Variants in DOK7 observed in about 807,000 individuals in gnomAD.
DOK7 encodes the protein docking protein 7.
In DOK7, 32 loss-of-function variants were observed where a neutral mutation model predicts 30.7. That is an observed-to-expected ratio of 1.04 (90% confidence interval 0.79 to 1.40). The LOEUF (loss-of-function observed/expected upper bound fraction) is 1.40, where lower values mean the gene tolerates loss of function less well. DOK7 is among the 40% of genes most tolerant of loss of function. The probability of loss-of-function intolerance (pLI) is 0.00; values close to 1 mark genes in which losing one functional copy is unlikely to be tolerated. For synonymous variants in DOK7, 447 were observed against 324.1 expected (o/e 1.38, Z -4.07); for missense variants, 1,007 against 699.2 (o/e 1.44, Z -4.97).
chr4:3,493,386 C>T lies in DOK7; in HGVS notation c.1400C>T (p.Pro467Leu), dbSNP rs1170228888. 1.9e-6 allele frequency: 3 copies of T among 1,594,652 alleles called. No homozygotes were observed. Among genetic ancestry groups the T allele is most frequent in the Non-Finnish European group, 2.6e-6 (3 of 1,171,206 alleles). Residue 467 changes from proline (P) to leucine (L), a missense_variant, in exon 7 of 7, where the codon CCT becomes CTT. Pro to Leu is a moderately conservative substitution (Grantham distance 98). Coordinates refer to ENST00000340083, the MANE Select transcript of DOK7 (RefSeq NM_173660.5). ...EAPQGSEATL[P>L]GPAPGEPWEA... ...CCCCAGGGCAGCGAGGCCACACTGC[C>T]TGGCCCTGCCCCTGGCGAGCCCTGG...
chr4:3,477,453 G>A (rs967229988), intron 4 of DOK7, among the ~76,000 whole-genome samples: 9 of 152,274 alleles, frequency 5.9e-5, no homozygotes, highest in Admixed American at 6.5e-5. Flanking sequence ...CACACTGGCC[G>A]CCTGGGACCT....
chr4:3,463,456 G>GC lies in DOK7; in HGVS notation c.54+27_54+28insC, dbSNP rs1282356351. On this transcript the variant is annotated intron_variant, in intron 1 of 6. Coordinates refer to ENST00000340083, the MANE Select transcript of DOK7 (RefSeq NM_173660.5). Reference sequence around the variant, plus strand: ...TCGGGGCGCGTCGGGGGCGCGGGGGGGGGGGGCGCGGGCGCGGGCGGCGGC... The same window carrying GC: ...TCGGGGCGCGTCGGGGGCGCGGGGGGCGGGGGGCGCGGGCGCGGGCGGCGGC... 3.5e-6 allele frequency: 5 copies of GC among 1,421,666 alleles called. No individual in the cohort carries two copies. The highest frequency in any genetic ancestry group is 2.9e-5 in the South Asian group (2 of 68,580). 88.1% of individuals were successfully genotyped at this position (1,421,666 alleles called of 1,614,324 possible). A position where few individuals can be genotyped will look rare whatever the true frequency, so the allele number is the denominator to read the frequency against.
At chr4:3,500,923 A>G in exon 8 of DOK7, 1 of 1,433,344 alleles carries the variant, frequency 7.0e-7, no homozygotes, top group Non-Finnish European at 9.1e-7. Flanking sequence ...TCTGGTCCCC[A>G]GGGAGCTCCC....
chr4:3,492,641 T>TG, intron 6 of DOK7, 118 bp from the exon 7 acceptor site: 1 of 1,430,838 alleles, frequency 7.0e-7, no homozygotes, highest in Non-Finnish European at 9.5e-7. Context: ...GCTTGGGGGC[T>TG]GGAAGGGGTG....
At chr4:3,487,383 A>T (rs1373126683) in intron 5 of DOK7, among the ~76,000 whole-genome samples, 1 of 152,166 alleles carries the variant, frequency 6.6e-6, no homozygotes, top group East Asian at 1.9e-4. Flanking sequence ...GACTCCCACA[A>T]TAGAGCCCTG....
chr4:3,490,298 C>T (rs1728187987), intron 6 of DOK7, among the ~76,000 whole-genome samples: 1 of 90,456 alleles, frequency 1.1e-5, no homozygotes, highest in Non-Finnish European at 2.4e-5. Flanking sequence ...TCATTTCTTC[C>T]TCCGCCCCCC....
downstream of DOK7, chr4:3,496,692 T>C (rs1342446776): frequency 2.0e-6 from 2 of 1,012,132 alleles, no homozygotes; most frequent in Non-Finnish European, 2.8e-6. Context: ...CTGGACTCCC[T>C]GCAGGTGACC....
Position 3,476,454 on chromosome 4 carries a change from C to A in DOK7, c.444C>A (p.Val148=). The part of the protein sequence containing the change: ...LVLARDIPPA[V]TGQWKLSDLR... ...TGGCCAGGGACATCCCCCCGGCTGT[C>A]ACGGGGCAGTGGAAGCTGTCTGACC... The change falls in exon 4 of 7, where the codon GTC becomes GTA. Residue 148 remains valine (V), a synonymous_variant. Transcript: ENST00000340083. The A allele has an allele frequency of 1.2e-6, 2 of 1,613,824 alleles. No homozygotes were observed. The highest frequency in any genetic ancestry group is 1.7e-6 in the Non-Finnish European group (2 of 1,180,020).
At chr4:3,500,806 G>A (rs1422693590) in exon 8 of DOK7, 1 of 1,533,218 alleles carries the variant, frequency 6.5e-7, no homozygotes, top group African/African-American at 1.4e-5. Context: ...CTGGAGCAGA[G>A]GAAGGCAGCC....
intron 3 of DOK7, among the ~76,000 whole-genome samples, chr4:3,476,061 C>A (rs1454358613): frequency 2.6e-5 from 4 of 151,394 alleles, no homozygotes; most frequent in African/African-American, 4.9e-5. Flanking sequence ...CTGGCCCCTG[C>A]CCCTGCTGCC....
chr4:3,489,764 TC>T lies in DOK7; in HGVS notation c.742del (p.Leu248SerfsTer208). The T allele has an allele frequency of 6.4e-7, 1 of 1,572,924 alleles. No individual in the cohort carries two copies. The highest frequency in any genetic ancestry group is 8.6e-7 in the Non-Finnish European group (1 of 1,158,924). ...CTACAGCTGGAGAAGCGGCTGAGCC[TC>T]CTCTCACATGCGGGCAGGCCGGGCA... Reference protein sequence around the residue: ...ETLQLEKRLSLLSHAGRPGSG... With the variant: ...ETLQLEKRLSXLSHAGRPGSG... On this transcript the variant is annotated frameshift_variant, in exon 6 of 7. Transcript: ENST00000340083. LOFTEE classifies it low-confidence loss of function (END_TRUNC).
chr4:3,471,640 C>T (rs572083287), intron 2 of DOK7, among the ~76,000 whole-genome samples: 1 of 152,384 alleles, frequency 6.6e-6, no homozygotes, highest in East Asian at 1.9e-4. Flanking sequence ...TTCTTGGGTG[C>T]TCTGGTGACG....
At chr4:3,475,912 AAGAT>A (rs944249859) in intron 3 of DOK7, among the ~76,000 whole-genome samples, 1 of 152,042 alleles carries the variant, frequency 6.6e-6, no homozygotes, top group African/African-American at 2.4e-5. Context: ...CCCCTGAACA[AAGAT>A]AGTTCCTGGG....
Position 3,490,126 on chromosome 4 carries a change from T to TTCAC in DOK7, c.772+330_772+331insTCAC, listed in dbSNP as rs1560225808. 3.8e-4 allele frequency among the ~76,000 whole-genome samples: 44 copies of TTCAC among 114,480 alleles called. 1 individual carries two copies. The highest frequency in any genetic ancestry group is 2.5e-3 in the East Asian group (7 of 2,818). 75.1% of individuals were successfully genotyped at this position (114,480 alleles called of 152,430 possible). The stretch of plus-strand genomic sequence containing the variant: ...TCTTCACCCCCATTCATTCCTTTTC[T>TTCAC]CCCTGCTCATTCATTCCTTCCTTCC... On this transcript the variant is annotated intron_variant, in intron 6 of 6. Coordinates refer to ENST00000340083, the MANE Select transcript of DOK7 (RefSeq NM_173660.5).
At chr4:3,500,545 A>G (rs1729139017) in intron 7 of DOK7, 27 of 1,478,690 alleles carry the variant, frequency 1.8e-5, no homozygotes, top group Non-Finnish European at 2.4e-5. Flanking sequence ...AATGTCCCCA[A>G]CTCCATCCCT....
chr4:3,464,978 G>A (rs1406261146), intron 2 of DOK7, among the ~76,000 whole-genome samples: 1 of 152,198 alleles, frequency 6.6e-6, no homozygotes, highest in Non-Finnish European at 1.5e-5. Flanking sequence ...GTTGAGATCT[G>A]CAGCCTTCTG....
chr4:3,494,473 TCTTTC>T lies in DOK7; in HGVS notation c.*976_*980del, dbSNP rs1429472892. ...TTGTAATAGACTGGAAATAAAATGT[TCTTTC>T]CTTACCACCTTGTCCTAGTCCGTTG... On this transcript the variant is annotated 3_prime_UTR_variant, in exon 7 of 7. Transcript: ENST00000340083. 2.0e-6 allele frequency: 2 copies of T among 985,364 alleles called. No individual in the cohort carries two copies. Among genetic ancestry groups the T allele is most frequent in the African/African-American group, 1.7e-5 (1 of 57,256 alleles). The allele number at this position is 985,364 out of a possible 1,614,324, so 61.0% of individuals were successfully genotyped here. A position where few individuals can be genotyped will look rare whatever the true frequency, so the allele number is the denominator to read the frequency against.
Position 3,493,473 on chromosome 4 carries a change from G to C in DOK7, c.1487G>C (p.Gly496Ala), listed in dbSNP as rs373205256. ...PAFFSACPVC[G>A]GLKVNPPP ...TTCTTTTCGGCATGTCCAGTCTGTGGAGGACTCAAGGTAAACCCCCCTCCT... is the reference window on the plus strand; with the variant it reads ...TTCTTTTCGGCATGTCCAGTCTGTGCAGGACTCAAGGTAAACCCCCCTCCT... Residue 496 changes from glycine (G) to alanine (A), a missense_variant, in exon 7 of 7, where the codon GGA (glycine) becomes GCA (alanine). Physicochemically the swap from Gly to Ala is moderately conservative, Grantham distance 60. Transcript: ENST00000340083. The C allele has an allele frequency of 3.9e-5, 63 of 1,611,006 alleles. 1 individual carries two copies. The highest frequency in any genetic ancestry group is 3.3e-4 in the Middle Eastern group (2 of 6,040).
chr4:3,476,292 TCCTCTCACCCTGCCCGCCCGTGATGC>T, intron 3 of DOK7, 24 bp from the exon 4 acceptor site: 1 of 817,750 alleles, frequency 1.2e-6, no homozygotes, highest in Non-Finnish European at 1.6e-6. Flanking sequence ...GCCCGTGATG[TCCTCTCACCCTGCCCGCCCGTGATGC>T]CCTCTTGCCC....
Sources: gnomAD v4.1 joint callset for allele counts (sites outside exome capture counted in the v4.1 genomes callset) on GRCh38, gnomAD v4.1.1 for gene constraint, MANE v1.5 for transcripts, NCBI Gene and HGNC (gene_info 2026-07-23, HGNC 2026-07-21) for gene names.